The following PRIM2 variants were observed in gnomAD, a reference collection of about 807,000 sequenced individuals.
PRIM2 encodes the protein DNA primase subunit 2, also known as DNA primase large subunit.
In PRIM2, 39 loss-of-function variants were observed where a neutral mutation model predicts 67.3. The observed-to-expected ratio is 0.58, with a 90% CI of 0.45 to 0.76. PRIM2 has a LOEUF of 0.76. PRIM2 is among the 30% of genes least tolerant of loss of function. The pLI, the probability that PRIM2 is intolerant of heterozygous loss-of-function variation, is 0.00. For missense variants in PRIM2, 398 were observed against 598.7 expected (o/e 0.66, Z 3.50); for synonymous variants, 143 against 198.7 (o/e 0.72, Z 2.36).
At chr6:57,256,631 T>C in the PRIM2 span, among the ~76,000 whole-genome samples, 2 of 140,940 alleles carry the variant, frequency 1.4e-5, no homozygotes, top group East Asian at 2.1e-4. Context: ...CTCTTTCTCT[T>C]ACACACACAC....
chr6:57,260,953 C>G, the PRIM2 span, among the ~76,000 whole-genome samples: 4 of 151,988 alleles, frequency 2.6e-5, no homozygotes, highest in Non-Finnish European at 4.4e-5. Flanking sequence ...AAAAAGTGGA[C>G]CAGAACACTG....
Position 57,607,370 on chromosome 6 carries a change from G to GA in PRIM2, c.1230+923dup, listed in dbSNP as rs1174384941. On this transcript the variant is annotated intron_variant, in intron 12 of 13. Transcript: ENST00000615550. ...TCCTGCTACCACAAAACCAGTGTCT[G>GA]AAAAAAAAAACATAAACCAAGTGTC... Among the ~76,000 whole-genome samples, 234 of 147,510 alleles carry GA rather than the reference G, an allele frequency of 1.6e-3. 1 individual carries two copies. The highest frequency in any genetic ancestry group is 2.7e-3 in the African/African-American group (107 of 40,276).
the PRIM2 span, among the ~76,000 whole-genome samples, chr6:57,288,290 G>C: frequency 6.6e-6 from 1 of 152,198 alleles, no homozygotes; most frequent in Non-Finnish European, 1.5e-5. Flanking sequence ...AAGAGCCTGG[G>C]AAGCTTGAAC....
chr6:57,612,384 A>G (rs1159344098), intron 12 of PRIM2, among the ~76,000 whole-genome samples: 1 of 152,252 alleles, frequency 6.6e-6, no homozygotes, highest in Non-Finnish European at 1.5e-5. Context: ...TGGTATAGTC[A>G]TACAATGGAA....
intron 7 of PRIM2, among the ~76,000 whole-genome samples, chr6:57,506,366 AG>A (rs1185953816): frequency 6.6e-6 from 1 of 152,100 alleles, no homozygotes; most frequent in East Asian, 1.9e-4. Context: ...TATAAAAATT[AG>A]ATTTGATGAA....
chr6:57,339,457 A>G (rs1250551864), intron 5 of PRIM2, among the ~76,000 whole-genome samples: 3 of 152,164 alleles, frequency 2.0e-5, no homozygotes, highest in East Asian at 1.9e-4. Context: ...TTCAAACTAT[A>G]CTACAAGGCT....
At chr6:57,580,630 A>G (rs1195094614) in intron 10 of PRIM2, among the ~76,000 whole-genome samples, 1 of 152,142 alleles carries the variant, frequency 6.6e-6, no homozygotes, top group Non-Finnish European at 1.5e-5. Flanking sequence ...AGCGATAAGG[A>G]CATTTCTTTC....
chr6:57,241,632 G>A, the PRIM2 span, among the ~76,000 whole-genome samples: 1 of 151,630 alleles, frequency 6.6e-6, no homozygotes, highest in Non-Finnish European at 1.5e-5. Flanking sequence ...GGGGGATGGG[G>A]AGGAGTATGG....
intron 6 of PRIM2, 67 bp downstream of exon 6, chr6:57,380,063 T>C (rs1769904381): frequency 1.5e-6 from 2 of 1,320,384 alleles, no homozygotes; most frequent in Non-Finnish European, 2.1e-6. Context: ...TATATACATA[T>C]TTAATTAATC....
intron 8 of PRIM2, among the ~76,000 whole-genome samples, chr6:57,508,336 A>AT (rs1278677894): frequency 1.3e-5 from 2 of 151,766 alleles, no homozygotes; most frequent in African/African-American, 2.4e-5. Context: ...ATATTGTAAT[A>AT]TTTTTTCCCT....
chr6:57,420,105 G>T (rs1450532171), intron 7 of PRIM2, among the ~76,000 whole-genome samples: 8 of 152,306 alleles, frequency 5.3e-5, no homozygotes, highest in Admixed American at 5.2e-4. Flanking sequence ...GTTTTCTTTA[G>T]TACTCTGTGG....
intron 7 of PRIM2, among the ~76,000 whole-genome samples, chr6:57,395,486 T>G (rs1189440086): frequency 6.6e-6 from 1 of 152,220 alleles, no homozygotes; most frequent in Admixed American, 6.5e-5. Context: ...TCTTTTGTAT[T>G]TCAGTGGTGT....
intron 2 of PRIM2, among the ~76,000 whole-genome samples, chr6:57,319,067 C>T (rs1168027584): frequency 6.6e-6 from 1 of 152,112 alleles, no homozygotes; most frequent in Non-Finnish European, 1.5e-5. Flanking sequence ...AGAAATTTTC[C>T]AGCAGAGAAG....
chr6:57,274,176 C>A, the PRIM2 span, among the ~76,000 whole-genome samples: 3 of 152,236 alleles, frequency 2.0e-5, no homozygotes, highest in African/African-American at 7.2e-5. Flanking sequence ...ACATTTATGT[C>A]TGCAGAGGTT....
chr6:57,537,809 G>A (rs1775030939), intron 10 of PRIM2, among the ~76,000 whole-genome samples, 184 bp downstream of exon 10: 1 of 152,052 alleles, frequency 6.6e-6, no homozygotes, highest in Non-Finnish European at 1.5e-5. Flanking sequence ...ACAAAAGATT[G>A]GGGAAGGAAT....
chr6:57,559,297 C>T (rs1452657363), intron 10 of PRIM2, among the ~76,000 whole-genome samples: 2 of 152,108 alleles, frequency 1.3e-5, no homozygotes, highest in East Asian at 1.9e-4. Context: ...TGGCAGAAAT[C>T]ACTTGGGTCA....
At chr6:57,584,162 A>C (rs1776149072) in intron 10 of PRIM2, among the ~76,000 whole-genome samples, 1 of 152,242 alleles carries the variant, frequency 6.6e-6, no homozygotes, top group Admixed American at 6.5e-5. Context: ...TATAATAGAT[A>C]TAGTTAGAAT....
chr6:57,341,166 G>A (rs1194101556), intron 5 of PRIM2, among the ~76,000 whole-genome samples: 2 of 152,214 alleles, frequency 1.3e-5, no homozygotes, highest in East Asian at 3.9e-4. Flanking sequence ...TCTAAAGGGA[G>A]CAGTAACTTT....
intron 7 of PRIM2, among the ~76,000 whole-genome samples, chr6:57,467,117 A>AAAG (rs1773220478): frequency 6.7e-6 from 1 of 149,824 alleles, no homozygotes; most frequent in Non-Finnish European, 1.5e-5. Context: ...AAAAAAAAAA[A>AAAG]AAAGAAAAGA....
Sources: gnomAD v4.1 joint callset for allele counts (sites outside exome capture counted in the v4.1 genomes callset) on GRCh38, gnomAD v4.1.1 for gene constraint, MANE v1.5 for transcripts, NCBI Gene and HGNC (gene_info 2026-07-23, HGNC 2026-07-21) for gene names.